PHACTR1: variants seen among roughly 807,000 people sequenced by gnomAD.
The protein encoded by PHACTR1 is phosphatase and actin regulator 1.
In PHACTR1, 16 loss-of-function variants were observed where a neutral mutation model predicts 69.2. The observed-to-expected ratio is 0.23, with a 90% CI of 0.16 to 0.35. The LOEUF (loss-of-function observed/expected upper bound fraction) is 0.35. Among genes scored for constraint, PHACTR1 ranks in the 10% least tolerant of loss-of-function variants. The pLI is 1.00. For missense variants in PHACTR1, 510 were observed against 734.7 expected (o/e 0.69, Z 3.54); for synonymous variants, 312 against 284.5 (o/e 1.10, Z -0.97).
At chr6:13,143,011 G>C (rs1822743640) in intron 5 of PHACTR1, among the ~76,000 whole-genome samples, 1 of 152,204 alleles carries the variant, frequency 6.6e-6, no homozygotes, top group South Asian at 2.1e-4. Context: ...ATAAAAAGAG[G>C]AAAGTGCCCA....
chr6:12,823,566 A>G (rs1267467780), intron 4 of PHACTR1, among the ~76,000 whole-genome samples: 1 of 152,212 alleles, frequency 6.6e-6, no homozygotes, highest in African/African-American at 2.4e-5. Flanking sequence ...GTAGATTTTC[A>G]TAGCAATTGG....
At chr6:13,169,859 T>A (rs1583695427) in intron 6 of PHACTR1, among the ~76,000 whole-genome samples, 1 of 152,298 alleles carries the variant, frequency 6.6e-6, no homozygotes, top group East Asian at 1.9e-4. Flanking sequence ...ATTTAGAAAG[T>A]CTGCAGGCTA....
chr6:13,004,871 C>G (rs950643677), intron 4 of PHACTR1, among the ~76,000 whole-genome samples: 2 of 152,100 alleles, frequency 1.3e-5, no homozygotes, highest in South Asian at 4.1e-4. Context: ...GGAAACACCT[C>G]AAACCTTGTA....
intron 4 of PHACTR1, among the ~76,000 whole-genome samples, chr6:12,968,426 T>A (rs1265586211): frequency 6.6e-6 from 1 of 152,158 alleles, no homozygotes; most frequent in Non-Finnish European, 1.5e-5. Context: ...GTGACTATAT[T>A]TAGGTCTTCA....
In PHACTR1 at chr6:13,228,032, G is replaced by C. The variant is rs1770093576; in HGVS notation, c.1203G>C (p.Glu401Asp). The change falls in exon 9 of 15, where the codon GAG becomes GAC. Residue 401 changes from glutamate to aspartate, a missense_variant. Around this residue, in one of 2 missense-constraint regions of PHACTR1, gnomAD observed 419 missense variants for 530.9 expected, o/e 0.79. Coordinates refer to ENST00000332995, the MANE Select transcript of PHACTR1 (RefSeq NM_030948.6). Reference sequence around the variant, plus strand: ...CAAGAGAAGAGGAGGAAGAGGAGGAGGACGAAGACGACGACAGCTCATTAT... The same window carrying C: ...CAAGAGAAGAGGAGGAAGAGGAGGACGACGAAGACGACGACAGCTCATTAT... ...LYTREEEEEE[E>D]DEDDDSSLYT... 6.2e-7 allele frequency: 1 copy of C among 1,613,706 alleles called. No homozygotes were observed. The highest frequency in any genetic ancestry group is 2.2e-5 in the East Asian group (1 of 44,882).
chr6:12,822,362 G>A (rs996895507), intron 4 of PHACTR1, among the ~76,000 whole-genome samples: 2 of 152,136 alleles, frequency 1.3e-5, no homozygotes, highest in African/African-American at 4.8e-5. Context: ...AGACCTAAGG[G>A]GAGACCACGA....
At chr6:13,205,074 G>A (rs1353249468) in intron 7 of PHACTR1, among the ~76,000 whole-genome samples, 1 of 152,216 alleles carries the variant, frequency 6.6e-6, no homozygotes, top group East Asian at 1.9e-4. Context: ...TCACAGTTCT[G>A]CAGACTGGGA....
chr6:12,784,599 T>C (rs1167681885), intron 4 of PHACTR1, among the ~76,000 whole-genome samples: 5 of 152,038 alleles, frequency 3.3e-5, no homozygotes, highest in Admixed American at 2.0e-4. Flanking sequence ...CTTACATGTA[T>C]ATCTATACAC....
At chr6:12,740,867 C>G (rs527811745) in intron 3 of PHACTR1, among the ~76,000 whole-genome samples, 31 of 151,938 alleles carry the variant, frequency 2.0e-4, no homozygotes, top group Non-Finnish European at 4.0e-4. Context: ...CTATTTAATT[C>G]CTGATATTGA....
At chr6:12,912,707 C>A (rs148727963) in intron 4 of PHACTR1, among the ~76,000 whole-genome samples, 1 of 152,324 alleles carries the variant, frequency 6.6e-6, no homozygotes, top group African/African-American at 2.4e-5. Flanking sequence ...AATCCCATCA[C>A]TTTGGGAGGC....
At chr6:13,131,814 T>G (rs544475269) in intron 5 of PHACTR1, among the ~76,000 whole-genome samples, 1 of 152,350 alleles carries the variant, frequency 6.6e-6, no homozygotes, top group South Asian at 2.1e-4. Flanking sequence ...TTCAATCATT[T>G]GACTGTACCT....
chr6:13,134,795 TAAAAAAAAAAAA>T (rs35318262), intron 5 of PHACTR1, among the ~76,000 whole-genome samples: 4 of 111,358 alleles, frequency 3.6e-5, no homozygotes, highest in South Asian at 3.5e-4. Context: ...CAATAAATAC[TAAAAAAAAAAAA>T]AAAAAAAAAA....
intron 10 of PHACTR1, among the ~76,000 whole-genome samples, chr6:13,252,463 G>GATCC (rs1294107485): frequency 6.6e-6 from 1 of 151,818 alleles, no homozygotes; most frequent in Non-Finnish European, 1.5e-5. Context: ...CATATAAATA[G>GATCC]ATCCTTTCCT....
intron 10 of PHACTR1, among the ~76,000 whole-genome samples, chr6:13,236,498 T>C (rs1043442997): frequency 7.2e-5 from 11 of 152,138 alleles, no homozygotes; most frequent in African/African-American, 2.2e-4. Flanking sequence ...GGAGCATCTG[T>C]TCCAGGCGTC....
intron 6 of PHACTR1, among the ~76,000 whole-genome samples, chr6:13,167,549 C>A (rs1759988873): frequency 6.6e-6 from 1 of 152,194 alleles, no homozygotes; most frequent in Non-Finnish European, 1.5e-5. Context: ...TAGTAGTTTC[C>A]ACTGCAGTCC....
intron 6 of PHACTR1, among the ~76,000 whole-genome samples, chr6:13,170,341 A>G (rs1488042514): frequency 6.6e-6 from 1 of 152,166 alleles, no homozygotes; most frequent in African/African-American, 2.4e-5. Context: ...GTAAATTCAT[A>G]TTGGAATATC....
chr6:12,945,033 C>G (rs1284046419), intron 4 of PHACTR1, among the ~76,000 whole-genome samples: 2 of 152,122 alleles, frequency 1.3e-5, no homozygotes, highest in African/African-American at 4.8e-5. Flanking sequence ...CCGCCCGTCT[C>G]GGCCTCCCAA....
chr6:12,864,563 C>G (rs1313295367), intron 4 of PHACTR1, among the ~76,000 whole-genome samples: 1 of 151,934 alleles, frequency 6.6e-6, no homozygotes. Flanking sequence ...ACCTGTAGTC[C>G]CAGCTACTCG....
intron 4 of PHACTR1, among the ~76,000 whole-genome samples, chr6:12,897,901 TC>T (rs1313552730): frequency 6.6e-6 from 1 of 152,066 alleles, no homozygotes; most frequent in Non-Finnish European, 1.5e-5. Flanking sequence ...TGCGTGATGT[TC>T]CCCTCCTTGT....
Sources: gnomAD v4.1 joint callset for allele counts (sites outside exome capture counted in the v4.1 genomes callset) on GRCh38, gnomAD v4.1.1 for gene constraint, gnomAD v4.1.1 regional missense constraint, MANE v1.5 for transcripts, NCBI Gene and HGNC (gene_info 2026-07-23, HGNC 2026-07-21) for gene names.